EBF1: variants seen among roughly 807,000 people sequenced by gnomAD.
The protein encoded by EBF1 is transcription factor COE1.
Under a neutral mutation model 68.4 loss-of-function variants are expected in EBF1, and 10 were observed. The ratio of observed to expected loss-of-function variants is 0.15; its 90% CI spans 0.09 to 0.25. EBF1 has a LOEUF of 0.25. Ranked by LOEUF, EBF1 falls within the 10% of genes least tolerant of loss-of-function variation. The pLI is 1.00. For synonymous variants in EBF1, 298 were observed against 299.8 expected (o/e 0.99, Z 0.06); for missense variants, 509 against 794.4 (o/e 0.64, Z 4.32).
chr5:159,017,835 G>A (rs776869638), intron 6 of EBF1, among the ~76,000 whole-genome samples: 7 of 152,170 alleles, frequency 4.6e-5, no homozygotes, highest in Non-Finnish European at 1.0e-4. Flanking sequence ...GAAGGCTAAG[G>A]AGTATTAGGA....
rs189637239 is a variant in EBF1 at position 158,881,210 on chromosome 5, C to G, written c.555-41100G>C. Among the ~76,000 whole-genome samples the G allele has an allele frequency of 6.6e-5, 10 of 152,292 alleles. No homozygotes were observed. The East Asian group carries it at 1.9e-3, about 29-fold the overall frequency. ...AAAGAGCCACTCGCGTTCAGGCAGG[C>G]TGCCCTGCCAATCAAACTCAACCTT... On this transcript the variant is annotated intron_variant, in intron 6 of 15. Transcript: ENST00000313708.
At position 159,099,569 on chromosome 5, in the gene EBF1, AC is replaced by A. The variant is rs1405221754; in HGVS notation, c.-92del. ...AAAGAAAAGAAAGAAAAGAAAAGAA[AC>A]AAAAACGCCAACCAGAGATTTTTTT... On this transcript the variant is annotated 5_prime_UTR_variant, in exon 1 of 16. Transcript: ENST00000313708. 2.2e-6 allele frequency: 3 copies of A among 1,352,320 alleles called. No individual in the cohort carries two copies. Among genetic ancestry groups the A allele is most frequent in the Admixed American group, 5.9e-5 (2 of 33,626 alleles). 83.8% of individuals were successfully genotyped at this position (1,352,320 alleles called of 1,614,324 possible). A position where few individuals can be genotyped will look rare whatever the true frequency, so the allele number is the denominator to read the frequency against.
At position 158,713,010 on chromosome 5, in the gene EBF1, C is replaced by A; in HGVS notation, c.1329G>T (p.Leu443=). Residue 443 remains leucine, a synonymous_variant, in exon 13 of 16, where the codon CTG becomes CTT. Coordinates refer to ENST00000313708, the MANE Select transcript of EBF1 (RefSeq NM_024007.5). ...GTGATGCCTCGGAGACATTCACGGC[C>A]AGTTGTCCACTGAACGAATTCACGC... ...MMGVNSFSGQ[L]AVNVSEASQA... 6.5e-7 allele frequency: 1 copy of A among 1,537,826 alleles called. No homozygotes were observed. Among genetic ancestry groups the A allele is most frequent in the Non-Finnish European group, 8.8e-7 (1 of 1,136,118 alleles).
intron 8 of EBF1, among the ~76,000 whole-genome samples, chr5:158,816,692 C>T (rs1226496207): frequency 6.6e-6 from 1 of 151,950 alleles, no homozygotes; most frequent in Admixed American, 6.6e-5. Flanking sequence ...ACTCTAAAGA[C>T]CATGAAAAGG....
intron 1 of EBF1, among the ~76,000 whole-genome samples, chr5:159,098,532 A>G (rs1783059772): frequency 6.6e-6 from 1 of 152,100 alleles, no homozygotes; most frequent in Non-Finnish European, 1.5e-5. Context: ...AAAAACAGGA[A>G]AGCCAGAGAG....
At chr5:158,707,644 T>A (rs1406590242) in intron 15 of EBF1, 7 of 318,074 alleles carry the variant, frequency 2.2e-5, no homozygotes, top group Non-Finnish European at 4.2e-5. Flanking sequence ...GATCTGATAA[T>A]GGCGACCACA....
intron 9 of EBF1, 75 bp from the exon 10 acceptor site, chr5:158,777,614 T>A: frequency 6.9e-7 from 1 of 1,445,082 alleles, no homozygotes; most frequent in Non-Finnish European, 9.3e-7. Context: ...TAGCTCTCCA[T>A]AAACAAAGCT....
At chr5:158,998,063 A>G (rs942690220) in intron 6 of EBF1, among the ~76,000 whole-genome samples, 15 of 152,026 alleles carry the variant, frequency 9.9e-5, no homozygotes, top group Non-Finnish European at 1.9e-4. Flanking sequence ...ATCTTCCATC[A>G]TATTACCTCC....
chr5:158,970,930 G>A (rs1755525156), intron 6 of EBF1, among the ~76,000 whole-genome samples: 1 of 152,198 alleles, frequency 6.6e-6, no homozygotes, highest in Non-Finnish European at 1.5e-5. Flanking sequence ...TTTAGAAGGA[G>A]ATTCTTTCTC....
intron 6 of EBF1, among the ~76,000 whole-genome samples, chr5:159,041,227 T>C (rs1771136982): frequency 6.6e-6 from 1 of 152,224 alleles, no homozygotes; most frequent in Non-Finnish European, 1.5e-5. Context: ...TCATCCCTGC[T>C]ATGAAAACAT....
At position 158,697,908 on chromosome 5, in the gene EBF1, C is replaced by A. The variant is rs1181160626; in HGVS notation, c.*1203G>T. 4.8e-6 allele frequency: 1 copy of A among 208,050 alleles called. No homozygotes were observed. The highest frequency in any genetic ancestry group is 9.8e-6 in the Non-Finnish European group (1 of 102,258). 12.9% of individuals were successfully genotyped at this position (208,050 alleles called of 1,614,324 possible). A position where few individuals can be genotyped will look rare whatever the true frequency, so the allele number is the denominator to read the frequency against. The stretch of plus-strand genomic sequence containing the variant: ...TCCCAGATAATGAGAGCAAAAATTC[C>A]CATAGAACAGAAAACTATGTTTTGG... On this transcript the variant is annotated 3_prime_UTR_variant, in exon 16 of 16. Coordinates refer to ENST00000313708, the MANE Select transcript of EBF1 (RefSeq NM_024007.5).
At chr5:158,829,098 C>T (rs1397778337) in intron 7 of EBF1, among the ~76,000 whole-genome samples, 2 of 152,170 alleles carry the variant, frequency 1.3e-5, no homozygotes, top group African/African-American at 2.4e-5. Context: ...CTGTATAATA[C>T]TGTAATGATG....
chr5:158,867,341 A>T (rs1796104842), intron 6 of EBF1, among the ~76,000 whole-genome samples: 1 of 152,206 alleles, frequency 6.6e-6, no homozygotes, highest in Non-Finnish European at 1.5e-5. Flanking sequence ...TCTTCTTCTA[A>T]GCCATGATTT....
rs192371276 is a variant in EBF1, at chr5:159,098,580, A to G, written c.134+765T>C. Among the ~76,000 whole-genome samples, 13 of 152,068 alleles carry G rather than the reference A, an allele frequency of 8.5e-5. No individual in the cohort carries two copies. The East Asian group carries it at 2.5e-3, about 29-fold the overall frequency. On this transcript the variant is annotated intron_variant, in intron 1 of 15. Transcript: ENST00000313708. Reference sequence around the variant, plus strand: ...GAAAGAGGAGAAAGGAGGGAAGCTGAAGAAAGAAGAGAAAGAAAATGGAGA... The same window carrying G: ...GAAAGAGGAGAAAGGAGGGAAGCTGGAGAAAGAAGAGAAAGAAAATGGAGA...
At chr5:158,852,318 C>T (rs913839157) in intron 6 of EBF1, among the ~76,000 whole-genome samples, 24 of 152,108 alleles carry the variant, frequency 1.6e-4, no homozygotes, top group African/African-American at 5.8e-4. Flanking sequence ...TTCACCGCAT[C>T]TGTCTGTTCA....
At chr5:158,907,556 T>A (rs1804924576) in intron 6 of EBF1, among the ~76,000 whole-genome samples, 1 of 152,078 alleles carries the variant, frequency 6.6e-6, no homozygotes, top group African/African-American at 2.4e-5. Flanking sequence ...AAACTTTCAG[T>A]TTGGGATGTT....
intron 8 of EBF1, among the ~76,000 whole-genome samples, chr5:158,811,337 T>C (rs1235757901): frequency 1.3e-5 from 2 of 152,220 alleles, no homozygotes; most frequent in East Asian, 1.9e-4. Flanking sequence ...TTATATTACA[T>C]GCTCAAATAG....
chr5:158,785,358 T>C (rs1355139596), intron 9 of EBF1, among the ~76,000 whole-genome samples: 1 of 152,178 alleles, frequency 6.6e-6, no homozygotes, highest in Non-Finnish European at 1.5e-5. Flanking sequence ...ATGAAAAGTA[T>C]ATATTCTTGG....
chr5:158,884,496 G>C (rs1799613259), intron 6 of EBF1, among the ~76,000 whole-genome samples: 1 of 152,114 alleles, frequency 6.6e-6, no homozygotes, highest in Admixed American at 6.6e-5. Flanking sequence ...CATGCTCACT[G>C]CTGAAGACAT....
Sources: allele counts gnomAD v4.1 joint callset (sites outside exome capture counted in the v4.1 genomes callset), GRCh38; gene constraint gnomAD v4.1.1; transcripts MANE v1.5; gene names NCBI Gene and HGNC (gene_info 2026-07-23, HGNC 2026-07-21).